The following PLD5 variants were observed in gnomAD, a reference collection of about 807,000 sequenced individuals.
PLD5 encodes inactive phospholipase D5.
PLD5 carries 36 observed loss-of-function variants against 61.1 expected under a neutral mutation model. The observed-to-expected ratio is 0.59, with a 90% CI of 0.45 to 0.78. The LOEUF is 0.78. PLD5 is among the 30% of genes least tolerant of loss of function. The pLI, the probability that PLD5 is intolerant of heterozygous loss-of-function variation, is 0.00. For missense variants in PLD5, 515 were observed against 644.4 expected, an observed-to-expected ratio of 0.80 and a Z score of 2.17; for synonymous variants, 243 against 242.8, an observed-to-expected ratio of 1.00 and a Z score of -0.01.
intron 5 of PLD5, among the ~76,000 whole-genome samples, chr1:242,218,839 G>T (rs1251285575): frequency 6.6e-6 from 1 of 152,162 alleles, no homozygotes; most frequent in South Asian, 2.1e-4. Flanking sequence ...TCCTTTGCAA[G>T]ATAAAATTAT....
rs796907152 is a variant in PLD5, at chr1:242,207,868, T to A, written c.735+12120A>T. On this transcript the variant is annotated intron_variant, in intron 5 of 9. Coordinates refer to ENST00000536534, the MANE Select transcript of PLD5 (RefSeq NM_001372062.1). ...TATATATATTTATATATTTATATAT[T>A]TATATATATTTATATATTTATATAT... Among the ~76,000 whole-genome samples, 60 of 61,146 alleles carry A rather than the reference T, an allele frequency of 9.8e-4. 7 individuals are homozygous for A. The highest frequency in any genetic ancestry group is 3.9e-3 in the African/African-American group (55 of 14,222). The allele number at this position is 61,146 out of a possible 152,430, so 40.1% of individuals were successfully genotyped here. A position where few individuals can be genotyped will look rare whatever the true frequency, so the allele number is the denominator to read the frequency against.
intron 1 of PLD5, among the ~76,000 whole-genome samples, chr1:242,407,074 T>G (rs148750212): frequency 1.2e-4 from 19 of 152,304 alleles, no homozygotes; most frequent in African/African-American, 4.6e-4. Context: ...CCATGTCTTG[T>G]GGGAGGGACC....
intron 1 of PLD5, among the ~76,000 whole-genome samples, chr1:242,357,076 A>C (rs1383972721): frequency 6.6e-6 from 1 of 152,034 alleles, no homozygotes; most frequent in African/African-American, 2.4e-5. Flanking sequence ...TTTTTAGCTT[A>C]AAGAATTTCT....
chr1:242,510,123 G>A (rs2809992), intron 1 of PLD5, among the ~76,000 whole-genome samples: 100,213 of 151,970 alleles, frequency 0.66, 34,217 homozygotes, highest in African/African-American at 0.82. Context: ...AGTTTTTGAA[G>A]GAGATTTGAA....
intron 1 of PLD5, among the ~76,000 whole-genome samples, chr1:242,507,336 A>C (rs923841069): frequency 6.6e-6 from 1 of 152,194 alleles, no homozygotes; most frequent in Non-Finnish European, 1.5e-5. Flanking sequence ...AATCTGAACC[A>C]TGGATGTTGT....
intron 8 of PLD5, among the ~76,000 whole-genome samples, chr1:242,106,285 G>C (rs1405767084): frequency 6.6e-6 from 1 of 152,200 alleles, no homozygotes; most frequent in Non-Finnish European, 1.5e-5. Context: ...GACAAACTAT[G>C]ATGTACCGCT....
At chr1:242,272,735 G>A (rs1339748058) in intron 3 of PLD5, among the ~76,000 whole-genome samples, 2 of 151,962 alleles carry the variant, frequency 1.3e-5, no homozygotes, top group South Asian at 4.2e-4. Context: ...CATGAAAGGA[G>A]GCAATATCTG....
intron 1 of PLD5, among the ~76,000 whole-genome samples, chr1:242,412,628 G>A (rs2149290204): frequency 6.6e-6 from 1 of 152,270 alleles, no homozygotes; most frequent in Admixed American, 6.5e-5. Context: ...TGATATTTTT[G>A]TAGGTTGTTA....
intron 3 of PLD5, among the ~76,000 whole-genome samples, chr1:242,267,601 G>A (rs1413329460): frequency 1.3e-5 from 2 of 152,144 alleles, no homozygotes; most frequent in Admixed American, 6.6e-5. Flanking sequence ...TAAAAAAGAG[G>A]CAGAGGCCGA....
At chr1:242,174,158 G>A (rs1188299799) in intron 5 of PLD5, among the ~76,000 whole-genome samples, 2 of 152,096 alleles carry the variant, frequency 1.3e-5, no homozygotes, top group Admixed American at 1.3e-4. Flanking sequence ...ATCTGACAAA[G>A]GGCTAATATC....
rs117470884 is a variant in PLD5 at position 242,516,112 on chromosome 1, T to A, written c.189+7976A>T. ...CATTTGATTATCCTCTTTTGTGAAG[T>A]TCCTGTTCAAGTGTCTTCCTCACTT... On this transcript the variant is annotated intron_variant, in intron 1 of 9. Coordinates refer to ENST00000536534, the MANE Select transcript of PLD5 (RefSeq NM_001372062.1). Among the ~76,000 whole-genome samples the A allele has an allele frequency of 3.9e-3, 593 of 152,168 alleles. 8 individuals are homozygous for A. In the East Asian group the frequency reaches 0.064, roughly 16 times the overall value.
intron 1 of PLD5, among the ~76,000 whole-genome samples, chr1:242,444,357 G>T (rs770255403): frequency 3.3e-5 from 5 of 151,888 alleles, no homozygotes; most frequent in African/African-American, 4.8e-5. Context: ...TTCAAGTACC[G>T]GAGAAGAGGG....
intron 1 of PLD5, among the ~76,000 whole-genome samples, chr1:242,472,078 T>C (rs1020536898): frequency 6.6e-6 from 1 of 152,170 alleles, no homozygotes; most frequent in Admixed American, 6.5e-5. Context: ...TCTAAGCACA[T>C]TGAACTTAAA....
intron 1 of PLD5, among the ~76,000 whole-genome samples, chr1:242,424,671 T>C (rs1466729213): frequency 6.6e-6 from 1 of 152,156 alleles, no homozygotes; most frequent in Non-Finnish European, 1.5e-5. Context: ...TCCACTGTCA[T>C]GGCCTTCGTT....
chr1:242,263,548 C>T (rs2149100460), intron 4 of PLD5, among the ~76,000 whole-genome samples: 1 of 151,248 alleles, frequency 6.6e-6, no homozygotes, highest in Admixed American at 6.6e-5. Flanking sequence ...TCATGTGCAT[C>T]CCTAAGAGCC....
intron 4 of PLD5, among the ~76,000 whole-genome samples, chr1:242,248,559 A>G (rs1024589713): frequency 9.2e-5 from 14 of 152,134 alleles, no homozygotes; most frequent in African/African-American, 2.9e-4. Context: ...ACAACTTTGT[A>G]TCAGCCTAGT....
At chr1:242,337,749 T>C (rs1659608666) in intron 2 of PLD5, among the ~76,000 whole-genome samples, 1 of 152,222 alleles carries the variant, frequency 6.6e-6, no homozygotes. Flanking sequence ...AAACTTCTCA[T>C]CAGTTTATAA....
chr1:242,336,216 C>T (rs1659495720), intron 2 of PLD5, among the ~76,000 whole-genome samples: 1 of 152,120 alleles, frequency 6.6e-6, no homozygotes, highest in Non-Finnish European at 1.5e-5. Flanking sequence ...ATTAATGATA[C>T]AGACTCTTTG....
rs549437085 is a variant in PLD5, at chr1:242,411,241, G to GTTTTC, written c.190-63000_190-62999insGAAAA. 1.4e-4 allele frequency among the ~76,000 whole-genome samples: 22 copies of GTTTTC among 152,068 alleles called. 1 individual carries two copies. In the South Asian group the frequency reaches 4.4e-3, roughly 30 times the overall value. Reference sequence around the variant, plus strand: ...ACCTGTGGTTTTGTTTTTTTGTTTTGTTTTGTTTTTGTGAGACAGAGTCTC... The same window carrying GTTTTC: ...ACCTGTGGTTTTGTTTTTTTGTTTTGTTTTCTTTTGTTTTTGTGAGACAGAGTCTC... On this transcript the variant is annotated intron_variant, in intron 1 of 9. Coordinates refer to ENST00000536534, the MANE Select transcript of PLD5 (RefSeq NM_001372062.1).
Sources: allele counts gnomAD v4.1 joint callset (sites outside exome capture counted in the v4.1 genomes callset), GRCh38; gene constraint gnomAD v4.1.1; transcripts MANE v1.5; gene names NCBI Gene and HGNC (gene_info 2026-07-23, HGNC 2026-07-21).